FA2H: variants seen among roughly 807,000 people sequenced by gnomAD.
FA2H encodes the protein fatty acid alpha-hydroxylase.
Under a neutral mutation model 44.9 loss-of-function variants are expected in FA2H, and 22 were observed. That is an observed-to-expected ratio of 0.49 (90% confidence interval 0.35 to 0.70). The LOEUF is 0.70. Among genes scored for constraint, FA2H ranks in the 30% least tolerant of loss-of-function variants. The pLI is 0.01. For missense variants in FA2H, 501 were observed against 504.9 expected, an observed-to-expected ratio of 0.99 and a Z score of 0.07; for synonymous variants, 243 against 213.2, an observed-to-expected ratio of 1.14 and a Z score of -1.22.
chr16:74,730,138 G>A (rs142796485), intron 2 of FA2H, among the ~76,000 whole-genome samples: 27 of 152,302 alleles, frequency 1.8e-4, no homozygotes, highest in African/African-American at 5.8e-4. Context: ...GGTGGAGCTG[G>A]TCTCGCCCAT....
At chr16:74,715,461 A>T (rs1227927562) in intron 6 of FA2H, among the ~76,000 whole-genome samples, 2 of 152,054 alleles carry the variant, frequency 1.3e-5, no homozygotes, top group African/African-American at 4.8e-5. Flanking sequence ...ATGGATAATT[A>T]AAACTTTTTT....
chr16:74,721,883 G>A (rs769745643), intron 4 of FA2H, among the ~76,000 whole-genome samples: 1 of 152,202 alleles, frequency 6.6e-6, no homozygotes, highest in African/African-American at 2.4e-5. Context: ...ACCGGCACGC[G>A]GGCGCTGGAT....
chr16:74,720,019 C>T (rs1455595008), intron 4 of FA2H, among the ~76,000 whole-genome samples: 1 of 152,014 alleles, frequency 6.6e-6, no homozygotes, highest in African/African-American at 2.4e-5. Flanking sequence ...GAGGAGAAGA[C>T]TGGAGACAGG....
In FA2H at chr16:74,721,911, C is replaced by T. The variant is rs189335231; in HGVS notation, c.614-2751G>A. Among the ~76,000 whole-genome samples, 5 of 152,356 alleles carry T rather than the reference C, an allele frequency of 3.3e-5. No homozygotes were observed. The East Asian group carries it at 7.7e-4, about 24-fold the overall frequency. On this transcript the variant is annotated intron_variant, in intron 4 of 6. Transcript: ENST00000219368. Reference sequence around the variant, plus strand: ...CGCTGGATGATCAGAGCAACAGTAACGGCAGATGTGTCCTGACTGATTCCT... The same window carrying T: ...CGCTGGATGATCAGAGCAACAGTAATGGCAGATGTGTCCTGACTGATTCCT...
Position 74,714,136 on chromosome 16 carries a change from G to A in FA2H, c.*54C>T. ...TAATGGGGTCTGAATGGCGGGTGGG[G>A]GTCGGGAAGGGGCCAGGGCCGGGCT... On this transcript the variant is annotated 3_prime_UTR_variant, in exon 7 of 7. Transcript: ENST00000219368. 1.8e-6 allele frequency: 2 copies of A among 1,125,520 alleles called. No individual in the cohort carries two copies. Among genetic ancestry groups the A allele is most frequent in the South Asian group, 1.3e-5 (1 of 75,366 alleles). The allele number at this position is 1,125,520 out of a possible 1,614,324, so 69.7% of individuals were successfully genotyped here.
At chr16:74,761,539 G>C (rs1171905525) in intron 1 of FA2H, among the ~76,000 whole-genome samples, 1 of 152,054 alleles carries the variant, frequency 6.6e-6, no homozygotes, top group African/African-American at 2.4e-5. Flanking sequence ...AGCTCTACAG[G>C]GATCATCGTT....
intron 4 of FA2H, among the ~76,000 whole-genome samples, chr16:74,722,133 T>G (rs1037250125): frequency 7.9e-5 from 11 of 139,796 alleles, no homozygotes; most frequent in Non-Finnish European, 1.7e-4. Flanking sequence ...AAGGGACTCC[T>G]CTGGGCTCCT....
At position 74,714,261 on chromosome 16, in the gene FA2H, T is replaced by C. The variant is rs1464145057; in HGVS notation, c.1048A>G (p.Ile350Val). The C allele has an allele frequency of 1.9e-6, 3 of 1,556,974 alleles. No homozygotes were observed. The highest frequency in any genetic ancestry group is 2.4e-5 in the East Asian group (1 of 41,512). Residue 350 changes from isoleucine to valine, a missense_variant, in exon 7 of 7, where the codon ATC becomes GTC. Ile to Val is a conservative substitution (Grantham distance 29). Transcript: ENST00000219368. ...HFAHQKSGFG[I>V]STKLWDYCFH... ...CAGTAATCCCACAATTTAGTGCTGA[T>C]ACCAAATCCTAGAGAGGGAGACAAA... is the stretch of plus-strand genomic sequence containing the variant.
intron 1 of FA2H, among the ~76,000 whole-genome samples, chr16:74,766,299 C>G (rs1962807319): frequency 1.3e-5 from 2 of 150,432 alleles, no homozygotes; most frequent in Admixed American, 1.3e-4. Context: ...CAGCAAGACT[C>G]TGTCTCAATA....
At chr16:74,774,366 G>T (rs1597577465) in intron 1 of FA2H, 120 bp downstream of exon 1, 1 of 944,116 alleles carries the variant, frequency 1.1e-6, no homozygotes, top group East Asian at 3.2e-5. Context: ...GAAAGCGAGG[G>T]AAGGGAGGGC....
At position 74,774,405 on chromosome 16, in the gene FA2H, G is replaced by A. The variant is rs578177228; in HGVS notation, c.270+81C>T. 5.9e-6 allele frequency: 8 copies of A among 1,362,800 alleles called. No individual in the cohort carries two copies. The Admixed American group carries it at 8.2e-5, about 14-fold the overall frequency. The allele number at this position is 1,362,800 out of a possible 1,614,324, so 84.4% of individuals were successfully genotyped here. A position where few individuals can be genotyped will look rare whatever the true frequency, so the allele number is the denominator to read the frequency against. ...AGCTGTCACCTTGGGTCCTGCTAGAGGGCAAGTGAACGGGGCTCGCCCGGG... is the reference window on the plus strand; with the variant it reads ...AGCTGTCACCTTGGGTCCTGCTAGAAGGCAAGTGAACGGGGCTCGCCCGGG... On this transcript the variant is annotated intron_variant, in intron 1 of 6. Coordinates refer to ENST00000219368, the MANE Select transcript of FA2H (RefSeq NM_024306.5).
At chr16:74,750,359 A>C (rs1365061242) in intron 1 of FA2H, among the ~76,000 whole-genome samples, 8 of 152,240 alleles carry the variant, frequency 5.3e-5, no homozygotes, top group Non-Finnish European at 1.0e-4. Flanking sequence ...GAGAATCAAG[A>C]CTATTGATTT....
chr16:74,725,148 C>A (rs1961924646), intron 4 of FA2H, among the ~76,000 whole-genome samples: 1 of 152,204 alleles, frequency 6.6e-6, no homozygotes, highest in Non-Finnish European at 1.5e-5. Context: ...CCGGGAGGAG[C>A]TCTGGGCTGG....
chr16:74,730,311 G>A (rs1436960907), intron 2 of FA2H, among the ~76,000 whole-genome samples: 1 of 152,120 alleles, frequency 6.6e-6, no homozygotes, highest in Non-Finnish European at 1.5e-5. Context: ...TGTGGCAGGG[G>A]TGGGGGTTGG....
chr16:74,769,303 C>T (rs1379579290), intron 1 of FA2H, among the ~76,000 whole-genome samples: 1 of 151,984 alleles, frequency 6.6e-6, no homozygotes, highest in Non-Finnish European at 1.5e-5. Flanking sequence ...CACCATGTTG[C>T]CCAGGCTGGT....
intron 6 of FA2H, among the ~76,000 whole-genome samples, chr16:74,715,522 G>A (rs1479754647): frequency 6.6e-6 from 1 of 152,148 alleles, no homozygotes; most frequent in African/African-American, 2.4e-5. Context: ...GGAACTCCTG[G>A]CTTCAAGCAA....
chr16:74,772,211 GTCAA>G (rs1962923320), intron 1 of FA2H, among the ~76,000 whole-genome samples: 1 of 152,110 alleles, frequency 6.6e-6, no homozygotes, highest in Non-Finnish European at 1.5e-5. Flanking sequence ...CTTTTACTAT[GTCAA>G]GCTCTTCCTG....
At chr16:74,752,601 C>A (rs1410705111) in intron 1 of FA2H, among the ~76,000 whole-genome samples, 1 of 152,194 alleles carries the variant, frequency 6.6e-6, no homozygotes, top group Non-Finnish European at 1.5e-5. Context: ...ATGTCTGTCT[C>A]ACTCCTCTGA....
intron 1 of FA2H, among the ~76,000 whole-genome samples, chr16:74,760,866 G>A (rs1962694121): frequency 6.6e-6 from 1 of 152,052 alleles, no homozygotes; most frequent in African/African-American, 2.4e-5. Flanking sequence ...AAAATACTGG[G>A]CACTTGGAGA....
Sources: allele counts gnomAD v4.1 joint callset (sites outside exome capture counted in the v4.1 genomes callset), GRCh38; gene constraint gnomAD v4.1.1; transcripts MANE v1.5; gene names NCBI Gene and HGNC (gene_info 2026-07-23, HGNC 2026-07-21).